TMEM132D: variants seen among roughly 807,000 people sequenced by gnomAD.
TMEM132D encodes mature OL transmembrane protein.
In TMEM132D, 21 loss-of-function variants were observed where a neutral mutation model predicts 62.3. The observed-to-expected ratio is 0.34, with a 90% CI of 0.24 to 0.49. The LOEUF is 0.49. Among genes scored for constraint, TMEM132D ranks in the 20% least tolerant of loss-of-function variants. The pLI is 0.99. For synonymous variants in TMEM132D, 621 were observed against 575.6 expected (o/e 1.08, Z -1.13); for missense variants, 1,346 against 1,402.8 (o/e 0.96, Z 0.65).
At chr12:129,265,538 C>G (rs573333273) in intron 4 of TMEM132D, among the ~76,000 whole-genome samples, 1 of 152,102 alleles carries the variant, frequency 6.6e-6, no homozygotes, top group South Asian at 2.1e-4. Context: ...GGGGGTAAGC[C>G]CCGGTGTCCC....
intron 4 of TMEM132D, among the ~76,000 whole-genome samples, chr12:129,247,118 T>C (rs921892032): frequency 2.6e-5 from 4 of 152,234 alleles, no homozygotes; most frequent in Admixed American, 1.3e-4. Flanking sequence ...GCAAAGTATA[T>C]ATCGGGATAT....
intron 4 of TMEM132D, among the ~76,000 whole-genome samples, chr12:129,334,312 T>C (rs114015550): frequency 0.017 from 2,534 of 152,136 alleles, 65 homozygotes; most frequent in African/African-American, 0.058. Context: ...ATAGCTGCAA[T>C]GTGGGTATGG....
intron 1 of TMEM132D, among the ~76,000 whole-genome samples, chr12:129,826,203 G>A (rs1467982265): frequency 2.6e-5 from 4 of 152,190 alleles, no homozygotes; most frequent in South Asian, 2.1e-4. Context: ...CTGTGACCAC[G>A]GGAGCAGGGG....
rs557118043 is a variant in TMEM132D, at chr12:129,578,513, G to GCA, written c.969-47309_969-47308insTG. Among the ~76,000 whole-genome samples the GCA allele has an allele frequency of 1.7e-3, 255 of 150,802 alleles. 1 individual carries two copies. The highest frequency in any genetic ancestry group is 5.8e-3 in the African/African-American group (237 of 40,930). ...TATATATCTATTATACAATACACAT[G>GCA]CGCACACACACACATACACATATAT... On this transcript the variant is annotated intron_variant, in intron 2 of 8. Coordinates refer to ENST00000422113, the MANE Select transcript of TMEM132D (RefSeq NM_133448.3).
chr12:129,894,146 A>G (rs887060407), intron 1 of TMEM132D, among the ~76,000 whole-genome samples: 4 of 152,358 alleles, frequency 2.6e-5, no homozygotes, highest in Non-Finnish European at 5.9e-5. Flanking sequence ...ATAGTTCCAC[A>G]TGGCTGGGAA....
At chr12:129,461,649 C>A (rs1435309069) in intron 3 of TMEM132D, among the ~76,000 whole-genome samples, 1 of 137,854 alleles carries the variant, frequency 7.3e-6, no homozygotes, top group African/African-American at 2.7e-5. Flanking sequence ...GCTAAGAGAC[C>A]AAGGAAAGAG....
At chr12:129,242,557 G>A (rs953641418) in intron 4 of TMEM132D, among the ~76,000 whole-genome samples, 1 of 152,116 alleles carries the variant, frequency 6.6e-6, no homozygotes, top group East Asian at 1.9e-4. Context: ...TTTAAATGTA[G>A]AATTTAATTC....
chr12:129,647,677 A>G (rs2137180447), intron 2 of TMEM132D, among the ~76,000 whole-genome samples: 1 of 152,308 alleles, frequency 6.6e-6, no homozygotes, highest in South Asian at 2.1e-4. Flanking sequence ...GGAGACATTG[A>G]GCATTGTTTC....
intron 2 of TMEM132D, among the ~76,000 whole-genome samples, chr12:129,653,321 G>C (rs1439790249): frequency 6.6e-6 from 1 of 152,208 alleles, no homozygotes; most frequent in East Asian, 1.9e-4. Context: ...TTCCGGCTAA[G>C]TGCAATGTGA....
intron 2 of TMEM132D, among the ~76,000 whole-genome samples, chr12:129,591,750 A>G (rs1201775760): frequency 6.6e-6 from 1 of 152,076 alleles, no homozygotes; most frequent in Non-Finnish European, 1.5e-5. Context: ...TTGCAAATAC[A>G]TTAGTTAGAA....
Position 129,074,679 on chromosome 12 carries a change from C to G in TMEM132D, c.2496G>C (p.Gln832His), listed in dbSNP as rs781274689. 2 of 1,614,154 alleles carry G rather than the reference C, an allele frequency of 1.2e-6. No homozygotes were observed. The highest frequency in any genetic ancestry group is 1.7e-6 in the Non-Finnish European group (2 of 1,180,022). ...ACTGTCCTTCCTGACTCCCCCATTCCTGCGAGGGTTTTTTGGGCCTTCTGT... is the reference window on the plus strand; with the variant it reads ...ACTGTCCTTCCTGACTCCCCCATTCGTGCGAGGGTTTTTTGGGCCTTCTGT... ...VSDRRPKKPS[Q>H]EWGSQEGQYY... Residue 832 changes from glutamine to histidine, a missense_variant, in exon 9 of 9, where the codon CAG becomes CAC. Transcript: ENST00000422113.
chr12:129,506,923 C>A (rs1020136794), intron 3 of TMEM132D, among the ~76,000 whole-genome samples: 1 of 150,914 alleles, frequency 6.6e-6, no homozygotes. Flanking sequence ...AAACAGACAA[C>A]CCAGAGTGGG....
chr12:129,587,120 G>A (rs528896815), intron 2 of TMEM132D, among the ~76,000 whole-genome samples: 14 of 152,148 alleles, frequency 9.2e-5, no homozygotes, highest in African/African-American at 1.4e-4. Flanking sequence ...TCACAACAGC[G>A]AAGACATGGA....
intron 2 of TMEM132D, among the ~76,000 whole-genome samples, chr12:129,537,423 C>G (rs1013443356): frequency 3.9e-5 from 6 of 152,138 alleles, no homozygotes; most frequent in Admixed American, 3.3e-4. Flanking sequence ...CCTTTAATTC[C>G]CAAGAACGGG....
At chr12:129,221,475 G>A (rs1566001940) in intron 4 of TMEM132D, among the ~76,000 whole-genome samples, 1 of 151,848 alleles carries the variant, frequency 6.6e-6, no homozygotes, top group South Asian at 2.1e-4. Flanking sequence ...TTAAATTCTG[G>A]GCTGTCCTTC....
chr12:129,176,887 A>G (rs1287640282), intron 5 of TMEM132D, among the ~76,000 whole-genome samples: 1 of 152,244 alleles, frequency 6.6e-6, no homozygotes, highest in Non-Finnish European at 1.5e-5. Context: ...ACGGAGGTGT[A>G]TTTAGTCTGA....
intron 1 of TMEM132D, among the ~76,000 whole-genome samples, chr12:129,898,349 TTTTTGTCCCC>T (rs1875218891): frequency 6.6e-6 from 1 of 152,224 alleles, no homozygotes; most frequent in Non-Finnish European, 1.5e-5. Context: ...AATACCCATT[TTTTTGTCCCC>T]TAGAAGAACT....
chr12:129,109,157 T>C (rs1875598448), intron 5 of TMEM132D, among the ~76,000 whole-genome samples: 2 of 152,340 alleles, frequency 1.3e-5, no homozygotes, highest in Middle Eastern at 3.4e-3. Flanking sequence ...CAATAGGATG[T>C]GTTCAGAGCT....
intron 1 of TMEM132D, among the ~76,000 whole-genome samples, chr12:129,749,654 G>A (rs1869935673): frequency 6.6e-6 from 1 of 151,054 alleles, no homozygotes; most frequent in African/African-American, 2.4e-5. Flanking sequence ...TAGTAGAGAT[G>A]GTATTTCACC....
Sources: gnomAD v4.1 joint callset for allele counts (sites outside exome capture counted in the v4.1 genomes callset) on GRCh38, gnomAD v4.1.1 for gene constraint, MANE v1.5 for transcripts, NCBI Gene and HGNC (gene_info 2026-07-23, HGNC 2026-07-21) for gene names.